The following PPP1R37 variants were observed in gnomAD, a reference collection of about 807,000 sequenced individuals.
The protein encoded by PPP1R37 is protein phosphatase 1 regulatory subunit 37, also known as leucine rich repeat containing 68.
PPP1R37 carries 21 observed loss-of-function variants against 61.0 expected under a neutral mutation model. The ratio of observed to expected loss-of-function variants is 0.34; its 90% CI spans 0.24 to 0.50. The LOEUF is 0.50. Among genes scored for constraint, PPP1R37 ranks in the 20% least tolerant of loss-of-function variants. The pLI, the probability that PPP1R37 is intolerant of heterozygous loss-of-function variation, is 0.98. For missense variants in PPP1R37, 910 were observed against 952.7 expected, an observed-to-expected ratio of 0.96 and a Z score of 0.59; for synonymous variants, 443 against 433.5, an observed-to-expected ratio of 1.02 and a Z score of -0.27.
At chr19:45,103,713 G>C (rs1671410016) in intron 1 of PPP1R37, among the ~76,000 whole-genome samples, 1 of 152,186 alleles carries the variant, frequency 6.6e-6, no homozygotes, top group Non-Finnish European at 1.5e-5. Flanking sequence ...GCCTCCTGGT[G>C]GTGGTGATGG....
chr19:45,146,236 G>C (rs115933883), intron 11 of PPP1R37, 154 bp from the exon 12 acceptor site: 10 of 875,814 alleles, frequency 1.1e-5, no homozygotes, highest in Middle Eastern at 2.3e-4. Flanking sequence ...TTCCTGGGGT[G>C]GGGGGGCATG....
chr19:45,100,608 G>A (rs1420113581), intron 1 of PPP1R37, among the ~76,000 whole-genome samples: 1 of 152,240 alleles, frequency 6.6e-6, no homozygotes, highest in Non-Finnish European at 1.5e-5. Flanking sequence ...GCCTGGCGCC[G>A]AAGCCTGCGC....
At chr19:45,094,732 G>GA (rs747403892) in intron 1 of PPP1R37, among the ~76,000 whole-genome samples, 2,184 of 134,534 alleles carry the variant, frequency 0.016, 59 homozygotes, top group African/African-American at 0.055. Context: ...CCGGCTCAAA[G>GA]AAAAAAAAAA....
chr19:45,117,891 G>A (rs757540709), intron 1 of PPP1R37, among the ~76,000 whole-genome samples: 7 of 152,246 alleles, frequency 4.6e-5, no homozygotes, highest in Admixed American at 6.5e-5. Context: ...TGATGAGCCC[G>A]AGGCTGCTGG....
Position 45,145,534 on chromosome 19 carries a change from A to G in PPP1R37, c.1478A>G (p.Gln493Arg), listed in dbSNP as rs1432617856. ...QPDDEPAAGVQNGAPSPAPSP... is the reference protein window; with the variant it reads ...QPDDEPAAGVRNGAPSPAPSP... ...GACGACGAGCCCGCCGCTGGGGTGCAGAACGGGGCCCCCAGCCCCGCACCC... is the reference window on the plus strand; with the variant it reads ...GACGACGAGCCCGCCGCTGGGGTGCGGAACGGGGCCCCCAGCCCCGCACCC... Residue 493 changes from glutamine to arginine, a missense_variant, in exon 11 of 13, where the codon CAG (glutamine) becomes CGG (arginine). By Grantham distance (43) the Gln-to-Arg change is conservative (BLOSUM62 1). Transcript: ENST00000221462. 1.3e-6 allele frequency: 2 copies of G among 1,534,408 alleles called. No homozygotes were observed. The highest frequency in any genetic ancestry group is 2.0e-5 in the Admixed American group (1 of 50,864).
chr19:45,110,156 C>T (rs1269523606), intron 1 of PPP1R37, among the ~76,000 whole-genome samples: 2 of 148,056 alleles, frequency 1.4e-5, no homozygotes, highest in Admixed American at 6.7e-5. Flanking sequence ...TGCTCTGTCT[C>T]CCAGGTTGCA....
At chr19:45,126,304 G>A (rs984558644) in intron 1 of PPP1R37, among the ~76,000 whole-genome samples, 5 of 152,226 alleles carry the variant, frequency 3.3e-5, no homozygotes, top group African/African-American at 1.2e-4. Flanking sequence ...GGCAGGGACA[G>A]GGGCCCTTCC....
chr19:45,138,263 T>C (rs985294966), intron 1 of PPP1R37, among the ~76,000 whole-genome samples: 4 of 152,000 alleles, frequency 2.6e-5, no homozygotes, highest in African/African-American at 9.7e-5. Context: ...TGTGTATTTG[T>C]GTGAAGGTGC....
chr19:45,129,101 T>G (rs1968444892), intron 1 of PPP1R37: 1 of 577,388 alleles, frequency 1.7e-6, no homozygotes, highest in Non-Finnish European at 3.3e-6. Flanking sequence ...TCCTCTGGCC[T>G]TCTGTAGGCT....
rs780944974 is a variant in PPP1R37 at position 45,142,096 on chromosome 19, G to C, written c.603G>C (p.Thr201=). 6.5e-7 allele frequency: 1 copy of C among 1,530,584 alleles called. No individual in the cohort carries two copies. The highest frequency in any genetic ancestry group is 2.0e-5 in the Admixed American group (1 of 50,684). 94.8% of individuals were successfully genotyped at this position (1,530,584 alleles called of 1,614,324 possible). A position where few individuals can be genotyped will look rare whatever the true frequency, so the allele number is the denominator to read the frequency against. The change falls in exon 6 of 13, where the codon ACG becomes ACC. Residue 201 remains threonine (T), a synonymous_variant. Transcript: ENST00000221462. ...TGCAGTATCTGGACGCCCGCAACAC[G>C]CCCCTGCTGGACCACTCGGCGCCCT... ...SCLQYLDARN[T]PLLDHSAPFV... is the part of the protein sequence containing the mutation.
At position 45,142,096 on chromosome 19, in the gene PPP1R37, G is replaced by T; in HGVS notation, c.603G>T (p.Thr201=). 2.6e-6 allele frequency: 4 copies of T among 1,530,584 alleles called. No individual in the cohort carries two copies. The highest frequency in any genetic ancestry group is 3.5e-6 in the Non-Finnish European group (4 of 1,144,046). The allele number at this position is 1,530,584 out of a possible 1,614,324, so 94.8% of individuals were successfully genotyped here. The change falls in exon 6 of 13, where the codon ACG becomes ACT. Residue 201 remains threonine (T), a synonymous_variant. Transcript: ENST00000221462. ...SCLQYLDARN[T]PLLDHSAPFV... is the part of the protein sequence containing the mutation. ...TGCAGTATCTGGACGCCCGCAACAC[G>T]CCCCTGCTGGACCACTCGGCGCCCT...
chr19:45,114,099 T>A (rs945862724), intron 1 of PPP1R37, among the ~76,000 whole-genome samples: 1 of 152,194 alleles, frequency 6.6e-6, no homozygotes, highest in Admixed American at 6.5e-5. Context: ...CTTTTAGAAG[T>A]CTTTGTGTGT....
chr19:45,114,113 T>TC (rs1968235185), intron 1 of PPP1R37, among the ~76,000 whole-genome samples: 1 of 152,202 alleles, frequency 6.6e-6, no homozygotes, highest in African/African-American at 2.4e-5. Context: ...TGTGTGTCAG[T>TC]CTCAGTCTCA....
chr19:45,145,620 G>A lies in PPP1R37; in HGVS notation c.1564G>A (p.Glu522Lys). 4 of 1,536,082 alleles carry A rather than the reference G, an allele frequency of 2.6e-6. No individual in the cohort carries two copies. The highest frequency in any genetic ancestry group is 1.2e-5 in the South Asian group (1 of 84,064). Residue 522 changes from glutamate to lysine, a missense_variant, in exon 11 of 13, where the codon GAG becomes AAG. Physicochemically the swap from Glu to Lys is moderately conservative, Grantham distance 56 (BLOSUM62 1). Transcript: ENST00000221462. ...GGAGGAAGAGGAGGAAGAGGAAGGG[G>A]AGAGGGACGAGACCCCCTGTCCTGC... ...DGEEEEEEEG[E>K]RDETPCPALV...
chr19:45,123,618 G>A (rs1968367348), intron 1 of PPP1R37, among the ~76,000 whole-genome samples: 1 of 152,108 alleles, frequency 6.6e-6, no homozygotes, highest in South Asian at 2.1e-4. Context: ...CTGTAGCGTG[G>A]TAGAGGCTGG....
intron 1 of PPP1R37, among the ~76,000 whole-genome samples, chr19:45,113,743 G>A (rs1968230136): frequency 6.6e-6 from 1 of 152,222 alleles, no homozygotes; most frequent in Non-Finnish European, 1.5e-5. Flanking sequence ...CACTCCGTGA[G>A]CTCACTCAGA....
intron 1 of PPP1R37, among the ~76,000 whole-genome samples, chr19:45,099,581 GCA>G (rs1213155984): frequency 1.3e-5 from 2 of 152,224 alleles, no homozygotes; most frequent in South Asian, 4.1e-4. Flanking sequence ...CAGGCCCTTT[GCA>G]CACTGTGACT....
chr19:45,101,103 T>G (rs1968057452), intron 1 of PPP1R37, among the ~76,000 whole-genome samples: 1 of 152,000 alleles, frequency 6.6e-6, no homozygotes, highest in Non-Finnish European at 1.5e-5. Context: ...AGACACACAG[T>G]AAAGAATTCT....
chr19:45,100,587 C>T (rs1968049693), intron 1 of PPP1R37, among the ~76,000 whole-genome samples: 1 of 152,226 alleles, frequency 6.6e-6, no homozygotes. Flanking sequence ...GGATTCAAAT[C>T]CAGGCAGCCA....
Sources: gnomAD v4.1 joint callset for allele counts (sites outside exome capture counted in the v4.1 genomes callset) on GRCh38, gnomAD v4.1.1 for gene constraint, MANE v1.5 for transcripts, NCBI Gene and HGNC (gene_info 2026-07-23, HGNC 2026-07-21) for gene names.